Variants in ABCC1 observed in about 807,000 individuals in gnomAD.
ABCC1 encodes the protein ATP binding cassette subfamily C member 1 (ABCC1 blood group), also known as multidrug resistance-associated protein 1.
A neutral mutation model predicts 172.9 loss-of-function variants in ABCC1; 83 were observed. The ratio of observed to expected loss-of-function variants is 0.48; its 90% confidence interval spans 0.40 to 0.58. ABCC1 has a LOEUF of 0.58. ABCC1 is among the 20% of genes least tolerant of loss of function. The probability of loss-of-function intolerance (pLI) is 0.00; values close to 1 mark genes in which losing one functional copy is unlikely to be tolerated. For missense variants in ABCC1, 1,817 were observed against 2,002.7 expected (o/e 0.91, Z 1.77); for synonymous variants, 937 against 825.2 (o/e 1.14, Z -2.32).
intron 1 of ABCC1, among the ~76,000 whole-genome samples, chr16:15,979,586 G>A (rs191164779): frequency 6.6e-6 from 1 of 152,100 alleles, no homozygotes; most frequent in East Asian, 1.9e-4. Context: ...ACTCAGTTTA[G>A]TACATTCAGA....
At chr16:16,020,956 A>G (rs1361967454) in intron 5 of ABCC1, among the ~76,000 whole-genome samples, 1 of 152,178 alleles carries the variant, frequency 6.6e-6, no homozygotes, top group African/African-American at 2.4e-5. Flanking sequence ...GTGCACAATC[A>G]TGTCACTTCG....
At chr16:15,953,320 G>A (rs759994422) in intron 1 of ABCC1, among the ~76,000 whole-genome samples, 40 of 152,046 alleles carry the variant, frequency 2.6e-4, no homozygotes, top group Non-Finnish European at 3.5e-4. Flanking sequence ...GCGACAGAGA[G>A]ACTGTCTCAA....
intron 1 of ABCC1, among the ~76,000 whole-genome samples, chr16:15,957,293 T>C (rs554747392): frequency 2.8e-4 from 41 of 148,046 alleles, no homozygotes; most frequent in African/African-American, 1.0e-3. Context: ...GCCATGTTGC[T>C]CAGGTTGGTG....
At chr16:16,040,972 G>C (rs988807766) in intron 7 of ABCC1, among the ~76,000 whole-genome samples, 3 of 152,108 alleles carry the variant, frequency 2.0e-5, no homozygotes, top group Admixed American at 2.0e-4. Context: ...CTTTTGTCCA[G>C]GCTGGAGTGC....
intron 25 of ABCC1, 59 bp downstream of exon 25, chr16:16,124,974 C>T (rs1596541443): frequency 6.2e-7 from 1 of 1,608,514 alleles, no homozygotes; most frequent in East Asian, 2.2e-5. Flanking sequence ...AGCCAGTTGT[C>T]CTTGGCTTTG....
chr16:16,007,303 T>C (rs939005469), intron 1 of ABCC1, among the ~76,000 whole-genome samples: 3 of 151,604 alleles, frequency 2.0e-5, no homozygotes, highest in Admixed American at 2.0e-4. Flanking sequence ...TCTCAGCTCG[T>C]TGCAACTTCC....
intron 20 of ABCC1, among the ~76,000 whole-genome samples, chr16:16,103,901 G>A (rs2051912763): frequency 6.6e-6 from 1 of 152,198 alleles, no homozygotes; most frequent in Non-Finnish European, 1.5e-5. Context: ...AGTTCTTAAA[G>A]GTGGCACGTC....
At position 16,071,715 on chromosome 16, in the gene ABCC1, G is replaced by C; in HGVS notation, c.1898G>C (p.Arg633Pro). Residue 633 changes from arginine (R) to proline (P), a missense_variant, in exon 14 of 31, where the codon CGG becomes CCG. Around this residue, in one of 3 missense-constraint regions of ABCC1, gnomAD observed 1,412 missense variants for 1,600.3 expected, o/e 0.88. Coordinates refer to ENST00000399410, the MANE Select transcript of ABCC1 (RefSeq NM_004996.4). ...CTGGAACCTGACAGCATCGAGCGAC[G>C]GCCTGTCAAAGACGGTGTGTGTGTG... is the stretch of plus-strand genomic sequence containing the variant. The part of the protein sequence containing the change: ...EELEPDSIER[R>P]PVKDGGGTNS... 1 of 1,613,654 alleles carries C rather than the reference G, an allele frequency of 6.2e-7. No homozygotes were observed. Among genetic ancestry groups the C allele is most frequent in the South Asian group, 1.1e-5 (1 of 90,900 alleles).
intron 1 of ABCC1, among the ~76,000 whole-genome samples, chr16:15,981,305 TGGG>T (rs1448360356): frequency 6.6e-6 from 1 of 152,224 alleles, no homozygotes; most frequent in African/African-American, 2.4e-5. Context: ...GGGGACTGTA[TGGG>T]GCCTCTGGCC....
intron 17 of ABCC1, among the ~76,000 whole-genome samples, chr16:16,086,084 A>C (rs1416507519): frequency 1.3e-5 from 2 of 152,174 alleles, no homozygotes; most frequent in African/African-American, 4.8e-5. Context: ...GCTGTCACCA[A>C]CAGCAGCAGT....
At chr16:16,036,352 C>G in intron 6 of ABCC1, 120 bp from the exon 7 acceptor site, 1 of 875,054 alleles carries the variant, frequency 1.1e-6, no homozygotes, top group Non-Finnish European at 1.7e-6. Context: ...TCATTTGCAG[C>G]GGGCAGCTGT....
At position 16,044,510 on chromosome 16, in the gene ABCC1, G is replaced by T; in HGVS notation, c.870G>T (p.Lys290Asn). The change falls in exon 8 of 31, where the codon AAG (lysine) becomes AAT (asparagine). Residue 290 changes from lysine (K) to asparagine (N), a missense_variant. Physicochemically the swap from Lys to Asn is moderately conservative, Grantham distance 94 (BLOSUM62 0). Transcript: ENST00000399410. ...KDPAQPKESS[K>N]VDANEEVEAL... ...CTGCCCAGCCGAAAGAGAGTTCCAA[G>T]GTGGATGCGAATGAGGAGGTGGAGG... The T allele has an allele frequency of 6.2e-7, 1 of 1,614,194 alleles. No individual in the cohort carries two copies. Among genetic ancestry groups the T allele is most frequent in the Non-Finnish European group, 8.5e-7 (1 of 1,180,024 alleles).
In ABCC1 at chr16:16,102,566, C is replaced by T. The variant is rs569339865; in HGVS notation, c.2645-61C>T. 4.5e-5 allele frequency: 68 copies of T among 1,503,318 alleles called. No homozygotes were observed. In the Admixed American group the frequency reaches 1.3e-3, roughly 28 times the overall value. The allele number at this position is 1,503,318 out of a possible 1,614,324, so 93.1% of individuals were successfully genotyped here. ...CACTGAAGTGGCCGGTTTTTGTTGC[C>T]CTTGGTTTTAGCATCTGCCTCATAT... On this transcript the variant is annotated intron_variant, in intron 19 of 30. Transcript: ENST00000399410.
chr16:16,012,486 T>G (rs2047824130), intron 3 of ABCC1, among the ~76,000 whole-genome samples: 3 of 18,700 alleles, frequency 1.6e-4, no homozygotes, highest in South Asian at 8.4e-4. Context: ...TTAGAGTGGA[T>G]TTTTTTTTTT....
At chr16:15,990,455 G>C (rs184170460) in intron 1 of ABCC1, among the ~76,000 whole-genome samples, 1 of 152,004 alleles carries the variant, frequency 6.6e-6, no homozygotes, top group African/African-American at 2.4e-5. Flanking sequence ...AACTTTATAC[G>C]CTTTGACCAA....
At chr16:16,027,474 T>C (rs968488599) in intron 5 of ABCC1, among the ~76,000 whole-genome samples, 3 of 151,866 alleles carry the variant, frequency 2.0e-5, no homozygotes, top group Non-Finnish European at 4.4e-5. Context: ...TGGGGTTTTT[T>C]CCCCCCCAAA....
chr16:16,041,126 C>G (rs2048963166), intron 7 of ABCC1, among the ~76,000 whole-genome samples: 1 of 139,584 alleles, frequency 7.2e-6, no homozygotes, highest in African/African-American at 2.7e-5. Flanking sequence ...GAGATGATAT[C>G]TCGCCATGTT....
intron 19 of ABCC1, chr16:16,099,026 C>T: frequency 2.4e-6 from 2 of 833,272 alleles, no homozygotes; most frequent in South Asian, 1.3e-5. Flanking sequence ...TCCGGTTGTT[C>T]ATTGGTTCAT....
At chr16:16,049,083 A>C (rs771253978) in intron 10 of ABCC1, among the ~76,000 whole-genome samples, 5 of 152,074 alleles carry the variant, frequency 3.3e-5, no homozygotes, top group Non-Finnish European at 7.4e-5. Context: ...TTGATCCAGG[A>C]GATCAAGCAA....
Sources: gnomAD v4.1 joint callset for allele counts (sites outside exome capture counted in the v4.1 genomes callset) on GRCh38, gnomAD v4.1.1 for gene constraint, gnomAD v4.1.1 regional missense constraint, MANE v1.5 for transcripts, NCBI Gene and HGNC (gene_info 2026-07-23, HGNC 2026-07-21) for gene names.